GRIN2B: variants seen among roughly 807,000 people sequenced by gnomAD.
GRIN2B encodes glutamate receptor ionotropic, NMDA 2B.
In GRIN2B, 5 loss-of-function variants were observed where a neutral mutation model predicts 114.5. The observed-to-expected ratio is 0.04, with a 90% CI of 0.02 to 0.09. GRIN2B has a LOEUF of 0.09. GRIN2B is among the 10% of genes least tolerant of loss of function. The pLI is 1.00. For missense variants in GRIN2B, 1,108 were observed against 1,943.5 expected (o/e 0.57, Z 8.08); for synonymous variants, 787 against 745.1 (o/e 1.06, Z -0.92).
At chr12:13,970,829 G>A (rs1364129517) in intron 2 of GRIN2B, among the ~76,000 whole-genome samples, 2 of 152,038 alleles carry the variant, frequency 1.3e-5, no homozygotes, top group African/African-American at 4.8e-5. Flanking sequence ...AATTTCTTCT[G>A]CAGTCCTTCT....
chr12:13,666,315 A>C (rs912002146), intron 5 of GRIN2B, among the ~76,000 whole-genome samples: 1 of 152,172 alleles, frequency 6.6e-6, no homozygotes, highest in African/African-American at 2.4e-5. Flanking sequence ...CTGTAAAACC[A>C]GCAATGGGCC....
Position 13,759,687 on chromosome 12 carries a change from G to T in GRIN2B, c.412-5772C>A, listed in dbSNP as rs560557257. On this transcript the variant is annotated intron_variant, in intron 3 of 13. Transcript: ENST00000609686. ...TGTTCTTCATCCAATCCCTGCAAGA[G>T]CATGCTCAATGGTACCACTGGCTCT... Among the ~76,000 whole-genome samples, 5 of 152,318 alleles carry T rather than the reference G, an allele frequency of 3.3e-5. No homozygotes were observed. In the East Asian group the frequency reaches 9.6e-4, roughly 29 times the overall value.
At chr12:13,907,468 G>C (rs1866558219) in intron 2 of GRIN2B, among the ~76,000 whole-genome samples, 2 of 151,344 alleles carry the variant, frequency 1.3e-5, no homozygotes, top group Middle Eastern at 3.4e-3. Flanking sequence ...CCTCAGCCTA[G>C]GCAACAGAGT....
At chr12:13,977,872 T>G (rs1461364047) in intron 2 of GRIN2B, among the ~76,000 whole-genome samples, 4 of 152,184 alleles carry the variant, frequency 2.6e-5, no homozygotes, top group Non-Finnish European at 4.4e-5. Flanking sequence ...GGATTACCTC[T>G]CCTTTCCCTT....
At chr12:13,752,692 A>G (rs1386228199) in intron 4 of GRIN2B, among the ~76,000 whole-genome samples, 1 of 152,188 alleles carries the variant, frequency 6.6e-6, no homozygotes, top group African/African-American at 2.4e-5. Context: ...GTAACTGTAA[A>G]AGCCACCTCT....
At chr12:13,844,572 G>A (rs59403250) in intron 3 of GRIN2B, among the ~76,000 whole-genome samples, 5,408 of 152,240 alleles carry the variant, frequency 0.036, 118 homozygotes, top group Middle Eastern at 0.061. Context: ...TAGCCATTCA[G>A]CACTCTTCAG....
chr12:13,546,251 A>G lies in GRIN2B; in HGVS notation c.*16532T>C, dbSNP rs1331487939. The G allele has an allele frequency of 6.6e-6, 1 of 152,236 alleles. No individual in the cohort carries two copies. The allele number at this position is 152,236 out of a possible 1,614,324, so 9.4% of individuals were successfully genotyped here. Reference sequence around the variant, plus strand: ...TTCCACTCAGAATCTTCTTGACTGGAGAATGGAAATCATTGGAGAGGGGCT... The same window carrying G: ...TTCCACTCAGAATCTTCTTGACTGGGGAATGGAAATCATTGGAGAGGGGCT... On this transcript the variant is annotated 3_prime_UTR_variant, in exon 14 of 14. Transcript: ENST00000609686.
At chr12:13,971,453 ACAGT>A (rs1485856725) in intron 2 of GRIN2B, among the ~76,000 whole-genome samples, 1 of 152,196 alleles carries the variant, frequency 6.6e-6, no homozygotes, top group Non-Finnish European at 1.5e-5. Context: ...GATTAAAGTT[ACAGT>A]CAGAGAAGAA....
At chr12:13,880,502 T>C (rs1167082407) in intron 2 of GRIN2B, among the ~76,000 whole-genome samples, 3 of 152,142 alleles carry the variant, frequency 2.0e-5, no homozygotes, top group Admixed American at 6.5e-5. Flanking sequence ...CTCAGCTTCC[T>C]AGGTGACTGA....
intron 2 of GRIN2B, among the ~76,000 whole-genome samples, chr12:13,941,267 A>G (rs1867245866): frequency 6.6e-6 from 1 of 152,176 alleles, no homozygotes; most frequent in Non-Finnish European, 1.5e-5. Context: ...ATGTTCCCAC[A>G]TTGAACCTGG....
In GRIN2B at chr12:13,558,578, C is replaced by A. The variant is rs760449807; in HGVS notation, c.*4205G>T. ...TCCCTTGGGCAACTCCTGATGGCCA[C>A]GGAAGACCGGGTGAGTGATAGTCAC... On this transcript the variant is annotated 3_prime_UTR_variant, in exon 14 of 14. Coordinates refer to ENST00000609686, the MANE Select transcript of GRIN2B (RefSeq NM_000834.5). The A allele has an allele frequency of 6.6e-6, 1 of 152,106 alleles. No homozygotes were observed. Among genetic ancestry groups the A allele is most frequent in the Non-Finnish European group, 1.5e-5 (1 of 68,040 alleles). 9.4% of individuals were successfully genotyped at this position (152,106 alleles called of 1,614,324 possible).
chr12:13,827,229 CTTTTT>C (rs57007962), intron 3 of GRIN2B, among the ~76,000 whole-genome samples: 1 of 98,656 alleles, frequency 1.0e-5, no homozygotes, highest in African/African-American at 4.1e-5. Flanking sequence ...TTGTTGTTTT[CTTTTT>C]TTTTTTTTTT....
chr12:13,741,375 T>C (rs1427141335), intron 4 of GRIN2B, among the ~76,000 whole-genome samples: 2 of 152,178 alleles, frequency 1.3e-5, no homozygotes, highest in Non-Finnish European at 2.9e-5. Context: ...AGGTTAATGA[T>C]ATGTTTATAT....
At chr12:13,941,547 T>G (rs1380727325) in intron 2 of GRIN2B, among the ~76,000 whole-genome samples, 1 of 152,136 alleles carries the variant, frequency 6.6e-6, no homozygotes, top group Non-Finnish European at 1.5e-5. Flanking sequence ...GGATGGAGGA[T>G]ATAAACTGTG....
At chr12:13,843,203 T>C (rs1428691013) in intron 3 of GRIN2B, among the ~76,000 whole-genome samples, 1 of 150,582 alleles carries the variant, frequency 6.6e-6, no homozygotes, top group African/African-American at 2.4e-5. Context: ...TGGCTTTTCT[T>C]ATGTTCTCCT....
intron 3 of GRIN2B, among the ~76,000 whole-genome samples, chr12:13,794,038 CAAAAAAAAAA>C (rs59335663): frequency 1.1e-4 from 9 of 79,226 alleles, no homozygotes; most frequent in African/African-American, 2.1e-4. Context: ...CCCATCTCTA[CAAAAAAAAAA>C]AAAAAAAAAA....
At chr12:13,758,095 G>A (rs1863611787) in intron 3 of GRIN2B, among the ~76,000 whole-genome samples, 1 of 152,146 alleles carries the variant, frequency 6.6e-6, no homozygotes. Flanking sequence ...TGAATGACTG[G>A]CTGTTACAGG....
At chr12:13,906,514 C>A (rs1352229828) in intron 2 of GRIN2B, among the ~76,000 whole-genome samples, 1 of 151,918 alleles carries the variant, frequency 6.6e-6, no homozygotes, top group African/African-American at 2.4e-5. Flanking sequence ...ATGGTTATAC[C>A]CTAGAAAATG....
intron 4 of GRIN2B, among the ~76,000 whole-genome samples, chr12:13,736,983 T>C (rs1270318817): frequency 7.1e-6 from 1 of 141,132 alleles, no homozygotes; most frequent in Non-Finnish European, 1.5e-5. Context: ...TGAGCAGAGA[T>C]TGCACCATTG....
Sources: gnomAD v4.1 joint callset for allele counts (sites outside exome capture counted in the v4.1 genomes callset) on GRCh38, gnomAD v4.1.1 for gene constraint, MANE v1.5 for transcripts, NCBI Gene and HGNC (gene_info 2026-07-23, HGNC 2026-07-21) for gene names.